The following PCDHGA4 variants were observed in gnomAD, a reference collection of about 807,000 sequenced individuals.
The protein encoded by PCDHGA4 is protocadherin gamma subfamily A, 4.
Under a neutral mutation model 54.6 loss-of-function variants are expected in PCDHGA4, and 38 were observed. That is an observed-to-expected ratio of 0.70 (90% CI 0.54 to 0.91). PCDHGA4 has a LOEUF of 0.91. PCDHGA4 is among the 40% of genes least tolerant of loss of function. PCDHGA4 has a pLI of 0.00. For missense variants in PCDHGA4, 1,298 were observed against 1,220.9 expected (o/e 1.06, Z -0.94); for synonymous variants, 511 against 512.9 (o/e 1.00, Z 0.05).
At chr5:141,435,875 T>C (rs1324511823) in intron 1 of PCDHGA4, among the ~76,000 whole-genome samples, 1 of 152,100 alleles carries the variant, frequency 6.6e-6, no homozygotes, top group African/African-American at 2.4e-5. Flanking sequence ...AGAAAAGAGA[T>C]TGGAAACCCC....
intron 1 of PCDHGA4, among the ~76,000 whole-genome samples, chr5:141,465,360 C>T (rs1238387777): frequency 6.6e-6 from 1 of 151,940 alleles, no homozygotes; most frequent in Non-Finnish European, 1.5e-5. Context: ...AAAATGGGTG[C>T]CCTTTAAAGT....
intron 1 of PCDHGA4, chr5:141,366,519 G>A (rs1421344823): frequency 2.5e-6 from 4 of 1,614,138 alleles, no homozygotes; most frequent in Non-Finnish European, 1.7e-6. Flanking sequence ...GCTGAAGGCA[G>A]CAGGTTGGCG....
intron 1 of PCDHGA4, chr5:141,417,974 G>A: frequency 6.2e-7 from 1 of 1,613,856 alleles, no homozygotes. Flanking sequence ...CTCGATTCCG[G>A]AGGAGCTGGC....
intron 1 of PCDHGA4, chr5:141,423,228 C>T (rs1321708353): frequency 6.2e-7 from 1 of 1,613,748 alleles, no homozygotes; most frequent in Non-Finnish European, 8.5e-7. Flanking sequence ...CTGTGGCCGA[C>T]AGCATCCCCG....
intron 1 of PCDHGA4, among the ~76,000 whole-genome samples, chr5:141,483,889 CT>C (rs1298469461): frequency 6.6e-6 from 1 of 151,866 alleles, no homozygotes; most frequent in Admixed American, 6.6e-5. Flanking sequence ...TTCTATTTCT[CT>C]GAGCTCTGGT....
rs189767695 is a variant in PCDHGA4, at chr5:141,497,247, T to C, written c.2573+2382T>C. Among the ~76,000 whole-genome samples the C allele has an allele frequency of 2.0e-5, 3 of 151,456 alleles. No individual in the cohort carries two copies. The East Asian group carries it at 5.8e-4, about 29-fold the overall frequency. ...ATCAGAGAAGGCTTCTAGGAGGAGGTGACATTGAGAAGTTCTAGGCCATTT... is the reference window on the plus strand; with the variant it reads ...ATCAGAGAAGGCTTCTAGGAGGAGGCGACATTGAGAAGTTCTAGGCCATTT... On this transcript the variant is annotated intron_variant, in intron 2 of 3. Transcript: ENST00000571252.
intron 1 of PCDHGA4, chr5:141,374,104 T>C (rs200348921): frequency 1.6e-4 from 247 of 1,570,492 alleles, no homozygotes; most frequent in African/African-American, 4.1e-5. Context: ...CGCAGAGGCA[T>C]CCGCAGCGCA....
Position 141,383,564 on chromosome 5 carries a change from G to A in PCDHGA4, c.2514+25943G>A, listed in dbSNP as rs767546411. On this transcript the variant is annotated intron_variant, in intron 1 of 3. Coordinates refer to ENST00000571252, the MANE Select transcript of PCDHGA4 (RefSeq NM_018917.4). ...GCCTCTGATGGCGGCGACCCGCCCC[G>A]ATCCAGCACCGCCCACATCCAGGTG... 6.2e-6 allele frequency: 10 copies of A among 1,612,926 alleles called. No homozygotes were observed. In the East Asian group the frequency reaches 6.7e-5, roughly 11 times the overall value.
At chr5:141,449,101 G>T (rs1020443363) in intron 1 of PCDHGA4, among the ~76,000 whole-genome samples, 3 of 152,144 alleles carry the variant, frequency 2.0e-5, no homozygotes, top group Non-Finnish European at 4.4e-5. Flanking sequence ...TACATATGCA[G>T]TATATCTTTG....
intron 1 of PCDHGA4, chr5:141,399,111 A>G (rs1561667842): frequency 1.9e-6 from 3 of 1,613,732 alleles, no homozygotes; most frequent in East Asian, 2.2e-5. Context: ...CACAATGTAC[A>G]GTTGAAATTA....
chr5:141,361,531 C>T, intron 1 of PCDHGA4: 2 of 1,614,040 alleles, frequency 1.2e-6, no homozygotes, highest in Non-Finnish European at 1.7e-6. Flanking sequence ...AGAGAACAAT[C>T]CTCCTGGCGC....
rs764579211 is a variant in PCDHGA4 at position 141,489,393 on chromosome 5, T to C, written c.2515-5414T>C. 1.9e-5 allele frequency: 30 copies of C among 1,614,098 alleles called. No individual in the cohort carries two copies. In the South Asian group the frequency reaches 3.3e-4, roughly 18 times the overall value. On this transcript the variant is annotated intron_variant, in intron 1 of 3. Coordinates refer to ENST00000571252, the MANE Select transcript of PCDHGA4 (RefSeq NM_018917.4). The surrounding 1 kb of genome is among the most constrained non-coding windows in gnomAD (Gnocchi z 4.5). ...CGCTGGTGGGGAATGTTGCTCAGGA[T>C]CTGGGCTTAAAGATGACAGATCTGT...
At chr5:141,380,405 G>A (rs1258156706) in intron 1 of PCDHGA4, among the ~76,000 whole-genome samples, 2 of 152,114 alleles carry the variant, frequency 1.3e-5, no homozygotes, top group African/African-American at 4.8e-5. Flanking sequence ...TAATCAATTC[G>A]ATGCCCAGGA....
Position 141,368,385 on chromosome 5 carries a change from A to T in PCDHGA4, c.2514+10764A>T, listed in dbSNP as rs535451348. Among the ~76,000 whole-genome samples the T allele has an allele frequency of 8.5e-5, 13 of 152,240 alleles. 1 individual carries two copies. The South Asian group carries it at 2.5e-3, about 29-fold the overall frequency. On this transcript the variant is annotated intron_variant, in intron 1 of 3. Coordinates refer to ENST00000571252, the MANE Select transcript of PCDHGA4 (RefSeq NM_018917.4). ...TACACACATATATATACACACATAC[A>T]CACACACAAACACACATACATACAC... is the stretch of plus-strand genomic sequence containing the variant.
At chr5:141,375,775 C>A (rs1425476236) in intron 1 of PCDHGA4, 2 of 1,614,240 alleles carry the variant, frequency 1.2e-6, no homozygotes, top group East Asian at 2.2e-5. Flanking sequence ...AGATCCTGTA[C>A]CCCGCCCTCC....
intron 1 of PCDHGA4, among the ~76,000 whole-genome samples, chr5:141,448,975 T>C (rs888432093): frequency 6.6e-6 from 1 of 151,970 alleles, no homozygotes; most frequent in African/African-American, 2.4e-5. Flanking sequence ...AAAAAAGAAC[T>C]TCCATATTAA....
At chr5:141,408,188 G>A in intron 1 of PCDHGA4, 6 of 1,543,620 alleles carry the variant, frequency 3.9e-6, no homozygotes, top group Non-Finnish European at 4.4e-6. Flanking sequence ...GACCCAGCGA[G>A]AACCCGAGCG....
chr5:141,418,776 C>G (rs763308217), intron 1 of PCDHGA4: 1 of 1,613,806 alleles, frequency 6.2e-7, no homozygotes, highest in East Asian at 2.2e-5. Flanking sequence ...ACTCAGCAGC[C>G]TTTGGATTTT....
intron 1 of PCDHGA4, among the ~76,000 whole-genome samples, chr5:141,437,360 G>T (rs1432098876): frequency 6.6e-6 from 1 of 152,144 alleles, no homozygotes; most frequent in Non-Finnish European, 1.5e-5. Context: ...ACCTAAAATT[G>T]GAATGTAATC....
Sources: gnomAD v4.1 joint callset for allele counts (sites outside exome capture counted in the v4.1 genomes callset) on GRCh38, gnomAD v4.1.1 for gene constraint, Gnocchi (gnomAD v3.1) non-coding constraint, MANE v1.5 for transcripts, NCBI Gene and HGNC (gene_info 2026-07-23, HGNC 2026-07-21) for gene names.